The following TACR3 variants were observed in gnomAD, a reference collection of about 807,000 sequenced individuals.
TACR3 encodes tachykinin receptor 3, also known as neuromedin-K receptor.
Under a neutral mutation model 35.0 loss-of-function variants are expected in TACR3, and 34 were observed. The ratio of observed to expected loss-of-function variants is 0.97; its 90% CI spans 0.74 to 1.30. The LOEUF is 1.30. TACR3 is among the 50% of genes most tolerant of loss of function. TACR3 has a pLI of 0.00. For missense variants in TACR3, 558 were observed against 591.7 expected (o/e 0.94, Z 0.59); for synonymous variants, 233 against 221.1 (o/e 1.05, Z -0.48).
At chr4:103,593,374 C>G (rs533206064) in intron 3 of TACR3, 3 of 151,472 alleles carry the variant, frequency 2.0e-5, no homozygotes, top group African/African-American at 7.3e-5. Context: ...CTGAAGTTTA[C>G]AATGTAATGA....
At chr4:103,613,368 A>C (rs1306499931) in intron 3 of TACR3, among the ~76,000 whole-genome samples, 1 of 152,198 alleles carries the variant, frequency 6.6e-6, no homozygotes, top group Non-Finnish European at 1.5e-5. Context: ...TTTAAGCATT[A>C]CTTAGGGAAA....
intron 1 of TACR3, among the ~76,000 whole-genome samples, chr4:103,701,077 G>A (rs1181014227): frequency 2.6e-5 from 4 of 151,920 alleles, no homozygotes; most frequent in Admixed American, 2.0e-4. Flanking sequence ...GGAAATAAAG[G>A]GTATTCAATT....
In TACR3 at chr4:103,719,585, C is replaced by G. The variant is rs376276282; in HGVS notation, c.91G>C (p.Gly31Arg). 4 of 1,610,846 alleles carry G rather than the reference C, an allele frequency of 2.5e-6. No individual in the cohort carries two copies. Among genetic ancestry groups the G allele is most frequent in the African/African-American group, 1.3e-5 (1 of 74,992 alleles). The change falls in exon 1 of 5, where the codon GGG becomes CGG. Residue 31 changes from glycine to arginine, a missense_variant. By Grantham distance (125) the Gly-to-Arg change is moderately radical. Coordinates refer to ENST00000304883, the MANE Select transcript of TACR3 (RefSeq NM_001059.3). ...GTCTCAACTGCCCCCGTGGCCGCCC[C>G]GGCAGCTAGCGAGGCGGTCAGGTTC... is the stretch of plus-strand genomic sequence containing the variant. ...AVNLTASLAA[G>R]AATGAVETGW... is the part of the protein sequence containing the mutation.
At chr4:103,640,670 G>A (rs1351925909) in intron 3 of TACR3, among the ~76,000 whole-genome samples, 1 of 151,900 alleles carries the variant, frequency 6.6e-6, no homozygotes, top group African/African-American at 2.4e-5. Flanking sequence ...CAGGCTGCAT[G>A]TGGCCCAGGA....
chr4:103,621,009 CT>C (rs1237520138), intron 3 of TACR3, among the ~76,000 whole-genome samples: 1 of 152,188 alleles, frequency 6.6e-6, no homozygotes, highest in African/African-American at 2.4e-5. Context: ...GGCATAGACC[CT>C]GCTCTTCAGT....
chr4:103,610,101 C>A (rs1357476076), intron 3 of TACR3, among the ~76,000 whole-genome samples: 1 of 152,044 alleles, frequency 6.6e-6, no homozygotes, highest in African/African-American at 2.4e-5. Flanking sequence ...ATCTCTTCAA[C>A]ATGCTAATTT....
intron 1 of TACR3, among the ~76,000 whole-genome samples, chr4:103,705,290 A>T (rs1433495327): frequency 6.6e-6 from 1 of 152,082 alleles, no homozygotes; most frequent in Non-Finnish European, 1.5e-5. Context: ...TATGTGTAAA[A>T]ATGCCTGTTT....
chr4:103,615,392 TGTGTGTGAGAGAGA>T (rs1283211299), intron 3 of TACR3, among the ~76,000 whole-genome samples: 3 of 98,410 alleles, frequency 3.0e-5, no homozygotes, highest in Non-Finnish European at 6.6e-5. Context: ...TGTGTGTGTG[TGTGTGTGAGAGAGA>T]GAGAGAGAGA....
chr4:103,686,415 T>C (rs1417939304), intron 1 of TACR3, among the ~76,000 whole-genome samples: 1 of 152,016 alleles, frequency 6.6e-6, no homozygotes, highest in Non-Finnish European at 1.5e-5. Flanking sequence ...AAACCAGTCT[T>C]AAAAATAAAC....
chr4:103,710,785 C>A (rs577361943), intron 1 of TACR3, among the ~76,000 whole-genome samples: 1 of 151,926 alleles, frequency 6.6e-6, no homozygotes, highest in Non-Finnish European at 1.5e-5. Flanking sequence ...ATCAAATAGA[C>A]GCAATAAAAA....
intron 3 of TACR3, among the ~76,000 whole-genome samples, chr4:103,608,512 C>T (rs182381945): frequency 5.3e-5 from 8 of 152,046 alleles, no homozygotes; most frequent in Admixed American, 3.3e-4. Flanking sequence ...ACACTATATA[C>T]CCATGAAACA....
intron 3 of TACR3, among the ~76,000 whole-genome samples, chr4:103,601,001 T>C (rs879205331): frequency 2.0e-5 from 3 of 152,112 alleles, no homozygotes; most frequent in Non-Finnish European, 4.4e-5. Flanking sequence ...CTGAGTTCAA[T>C]TCTTGGGTAT....
intron 1 of TACR3, among the ~76,000 whole-genome samples, chr4:103,675,905 G>A (rs1483749518): frequency 3.9e-5 from 6 of 152,070 alleles, no homozygotes; most frequent in Non-Finnish European, 8.8e-5. Context: ...GATCTGAACC[G>A]AAAAATCGAA....
intron 1 of TACR3, among the ~76,000 whole-genome samples, chr4:103,664,300 T>G (rs1725893189): frequency 2.0e-5 from 3 of 152,224 alleles, no homozygotes; most frequent in Admixed American, 2.0e-4. Flanking sequence ...GCAGATTAGT[T>G]TGGATGTAAC....
intron 3 of TACR3, among the ~76,000 whole-genome samples, chr4:103,592,873 G>A (rs1723924847): frequency 6.6e-6 from 1 of 152,164 alleles, no homozygotes; most frequent in Admixed American, 6.6e-5. Flanking sequence ...GGATCAATGT[G>A]GAAGGTAACT....
chr4:103,635,980 G>A (rs1030463170), intron 3 of TACR3, among the ~76,000 whole-genome samples: 10 of 149,186 alleles, frequency 6.7e-5, no homozygotes, highest in African/African-American at 9.8e-5. Context: ...CCCCTCCCTC[G>A]TCCTTCTTCC....
At chr4:103,708,775 G>A (rs1722861753) in intron 1 of TACR3, among the ~76,000 whole-genome samples, 1 of 152,170 alleles carries the variant, frequency 6.6e-6, no homozygotes, top group African/African-American at 2.4e-5. Flanking sequence ...TTAGACAAAT[G>A]GCTAACTAGA....
chr4:103,639,152 G>T (rs1279183808), intron 3 of TACR3, among the ~76,000 whole-genome samples: 1 of 152,076 alleles, frequency 6.6e-6, no homozygotes, highest in East Asian at 1.9e-4. Flanking sequence ...TATGTTTATT[G>T]CGGCACTATT....
chr4:103,679,826 A>G (rs919141779), intron 1 of TACR3, among the ~76,000 whole-genome samples: 3 of 151,608 alleles, frequency 2.0e-5, no homozygotes, highest in Non-Finnish European at 4.4e-5. Context: ...TAAATAAAAG[A>G]TTGGATATCA....
Sources: allele counts gnomAD v4.1 joint callset (sites outside exome capture counted in the v4.1 genomes callset), GRCh38; gene constraint gnomAD v4.1.1; transcripts MANE v1.5; gene names NCBI Gene and HGNC (gene_info 2026-07-23, HGNC 2026-07-21).